The following C14orf93 variants were observed in gnomAD, a reference collection of about 807,000 sequenced individuals.
The protein encoded by C14orf93 is uncharacterized protein C14orf93.
In C14orf93, 23 loss-of-function variants were observed where a neutral mutation model predicts 44.0. The observed-to-expected ratio is 0.52, with a 90% CI of 0.38 to 0.74. The LOEUF (loss-of-function observed/expected upper bound fraction) is 0.74, where lower values mean the gene tolerates loss of function less well. Ranked by LOEUF, C14orf93 falls within the 30% of genes least tolerant of loss-of-function variation. The pLI is 0.00. For missense variants in C14orf93, 579 were observed against 678.9 expected (o/e 0.85, Z 1.64); for synonymous variants, 253 against 265.7 (o/e 0.95, Z 0.46).
intron 1 of C14orf93, among the ~76,000 whole-genome samples, chr14:23,003,832 T>C (rs1230297976): frequency 3.5e-5 from 4 of 114,840 alleles, no homozygotes; most frequent in African/African-American, 9.8e-5. Flanking sequence ...GTGAGTGGGG[T>C]GAGATATTTT....
At chr14:22,992,590 T>C (rs755622323) in intron 3 of C14orf93, among the ~76,000 whole-genome samples, 42 of 151,778 alleles carry the variant, frequency 2.8e-4, no homozygotes, top group Non-Finnish European at 4.1e-4. Context: ...TATTTTTTAT[T>C]TTTTTGAGAT....
At chr14:23,007,400 G>A (rs1466611311) in intron 1 of C14orf93, among the ~76,000 whole-genome samples, 1 of 152,210 alleles carries the variant, frequency 6.6e-6, no homozygotes, top group Non-Finnish European at 1.5e-5. Flanking sequence ...ACAAACCTGT[G>A]TGTACACGAT....
intron 1 of C14orf93, chr14:23,006,222 A>C (rs903729742): frequency 6.6e-6 from 1 of 152,188 alleles, no homozygotes; most frequent in Non-Finnish European, 1.5e-5. Context: ...TCAAGGTGCA[A>C]AATGGCTCAC....
In C14orf93 at chr14:22,999,471, G is replaced by A. The variant is rs143178296; in HGVS notation, c.-379-69C>T. ...CCTCCTCCTCCTCACCATCTTTACT[G>A]TAATAATGGTACTGCATTTCATTGC... is the stretch of plus-strand genomic sequence containing the variant. On this transcript the variant is annotated intron_variant, in intron 1 of 6. Coordinates refer to ENST00000299088, the MANE Select transcript of C14orf93 (RefSeq NM_021944.4). 242 of 163,788 alleles carry A rather than the reference G, an allele frequency of 1.5e-3. 2 individuals are homozygous for A. Among genetic ancestry groups the A allele is most frequent in the African/African-American group, 5.4e-3 (226 of 41,742 alleles). 10.1% of individuals were successfully genotyped at this position (163,788 alleles called of 1,614,324 possible). A position where few individuals can be genotyped will look rare whatever the true frequency, so the allele number is the denominator to read the frequency against.
At chr14:23,008,595 G>A (rs549606910) in intron 1 of C14orf93, among the ~76,000 whole-genome samples, 6 of 151,860 alleles carry the variant, frequency 4.0e-5, no homozygotes, top group African/African-American at 1.4e-4. Flanking sequence ...TACCTCCTAT[G>A]CTTTCACTCC....
rs116077191 is a variant in C14orf93, at chr14:22,995,066, C to G, written c.918+882G>C. On this transcript the variant is annotated intron_variant, in intron 3 of 6. Transcript: ENST00000299088. ...TGGTCAGCTGCCAGGATGGGGACTC[C>G]CAGCTCAGCAGGATGTTCTTTGGGC... 9.7e-3 allele frequency among the ~76,000 whole-genome samples: 1,483 copies of G among 152,312 alleles called. 26 individuals carry two copies. The highest frequency in any genetic ancestry group is 0.034 in the African/African-American group (1,400 of 41,564).
chr14:22,997,628 A>G (rs2046066163), intron 2 of C14orf93, among the ~76,000 whole-genome samples: 1 of 152,148 alleles, frequency 6.6e-6, no homozygotes, highest in Non-Finnish European at 1.5e-5. Flanking sequence ...ATGGCCCTTA[A>G]GCAGTAAAGA....
At chr14:23,002,192 T>C (rs2046344603) in intron 1 of C14orf93, among the ~76,000 whole-genome samples, 2 of 150,742 alleles carry the variant, frequency 1.3e-5, no homozygotes, top group African/African-American at 4.9e-5. Context: ...AGCTCACACC[T>C]GTAATCCCAA....
intron 1 of C14orf93, chr14:22,999,911 G>C (rs911512767): frequency 6.6e-6 from 1 of 152,226 alleles, no homozygotes; most frequent in African/African-American, 2.4e-5. Flanking sequence ...AATTGAGCTG[G>C]GGTAACCCAG....
rs201600502 is a variant in C14orf93, at chr14:22,996,117, C to A, written c.749G>T (p.Arg250Leu). The A allele has an allele frequency of 1.9e-6, 3 of 1,613,818 alleles. No individual in the cohort carries two copies. Among genetic ancestry groups the A allele is most frequent in the Middle Eastern group, 1.6e-4 (1 of 6,062 alleles). ...PENGTKLPPP[R>L]PEDMLNAAAA... is the part of the protein sequence containing the mutation. ...AGCGGCATTGAGCATGTCCTCAGGGCGGGGTGGTGGCAGCTTGGTTCCATT... is the reference window on the plus strand; with the variant it reads ...AGCGGCATTGAGCATGTCCTCAGGGAGGGGTGGTGGCAGCTTGGTTCCATT... The change falls in exon 3 of 7, where the codon CGC (arginine) becomes CTC (leucine). Residue 250 changes from arginine to leucine, a missense_variant. Physicochemically the swap from Arg to Leu is moderately radical, Grantham distance 102. Transcript: ENST00000299088. The surrounding 1 kb of genome is among the most constrained non-coding windows in gnomAD (Gnocchi z 4.1).
intron 1 of C14orf93, chr14:23,000,090 T>C (rs949122142): frequency 6.6e-6 from 1 of 152,198 alleles, no homozygotes; most frequent in African/African-American, 2.4e-5. Flanking sequence ...TCAACAGGAA[T>C]GTTTGAACAG....
At chr14:23,008,517 AT>A (rs900427156) in intron 1 of C14orf93, among the ~76,000 whole-genome samples, 115 of 147,616 alleles carry the variant, frequency 7.8e-4, no homozygotes, top group East Asian at 9.8e-4. Context: ...TCTACAGTAG[AT>A]TTTTTTTTTT....
Position 22,987,766 on chromosome 14 carries a change from C to T in C14orf93, c.1198-132G>A, listed in dbSNP as rs2045317144. The T allele has an allele frequency of 8.3e-7, 1 of 1,210,130 alleles. No homozygotes were observed. The highest frequency in any genetic ancestry group is 1.5e-5 in the African/African-American group (1 of 65,824). The allele number at this position is 1,210,130 out of a possible 1,614,324, so 75.0% of individuals were successfully genotyped here. A position where few individuals can be genotyped will look rare whatever the true frequency, so the allele number is the denominator to read the frequency against. ...ACCCAGTCCCCAAGTCAGATCTTAG[C>T]ATTGGCTCACTGTTCTTCTCTATCT... On this transcript the variant is annotated intron_variant, in intron 6 of 6. Coordinates refer to ENST00000299088, the MANE Select transcript of C14orf93 (RefSeq NM_021944.4). The surrounding 1 kb of genome is among the most constrained non-coding windows in gnomAD (Gnocchi z 5.6).
rs528342499 is a variant in C14orf93 at position 22,988,918 on chromosome 14, T to G, written c.1084+824A>C. On this transcript the variant is annotated intron_variant, in intron 5 of 6. Transcript: ENST00000299088. ...GCCTGGGCAACATAGTGAGACTCAG[T>G]CTCTATTTAAAAAAAAATTTAAAAA... is the stretch of plus-strand genomic sequence containing the variant. Among the ~76,000 whole-genome samples, 310 of 152,102 alleles carry G rather than the reference T, an allele frequency of 2.0e-3. 2 individuals are homozygous for G. The highest frequency in any genetic ancestry group is 7.1e-3 in the African/African-American group (294 of 41,512).
chr14:23,000,310 A>T (rs1460392633), intron 1 of C14orf93, among the ~76,000 whole-genome samples: 1 of 152,116 alleles, frequency 6.6e-6, no homozygotes, highest in Admixed American at 6.6e-5. Context: ...ATAATACTTG[A>T]TGATAGAAAA....
chr14:22,997,727 A>G (rs2046073499), intron 2 of C14orf93, among the ~76,000 whole-genome samples: 1 of 150,910 alleles, frequency 6.6e-6, no homozygotes, highest in Non-Finnish European at 1.5e-5. Context: ...CTTTCTCCCT[A>G]TATGTTATTC....
At position 22,987,297 on chromosome 14, in the gene C14orf93, G is replaced by A; in HGVS notation, c.1535C>T (p.Ser512Phe). 6.2e-7 allele frequency: 1 copy of A among 1,614,244 alleles called. No homozygotes were observed. Among genetic ancestry groups the A allele is most frequent in the East Asian group, 2.2e-5 (1 of 44,890 alleles). Residue 512 changes from serine to phenylalanine, a missense_variant, in exon 7 of 7, where the codon TCC becomes TTC. Coordinates refer to ENST00000299088, the MANE Select transcript of C14orf93 (RefSeq NM_021944.4). The surrounding 1 kb of genome is among the most constrained non-coding windows in gnomAD (Gnocchi z 5.6). ...TTTGTGGGGTTGGTCAAAAGATGGG[G>A]AGCCAGGTGCATTCTCATCCCCTCC... The part of the protein sequence containing the change: ...DEGGDENAPG[S>F]PSFDQPHKTC...
At chr14:22,997,960 A>G (rs1384218579) in intron 2 of C14orf93, 1 of 153,626 alleles carries the variant, frequency 6.5e-6, no homozygotes, top group African/African-American at 2.4e-5. Context: ...GTCTTCTATT[A>G]TCTTTATCTT....
intron 3 of C14orf93, among the ~76,000 whole-genome samples, chr14:22,992,730 A>T (rs2045730516): frequency 6.6e-6 from 1 of 151,608 alleles, no homozygotes; most frequent in African/African-American, 2.4e-5. Context: ...GATTACAGGA[A>T]TGCACCACCA....
Sources: allele counts gnomAD v4.1 joint callset (sites outside exome capture counted in the v4.1 genomes callset), GRCh38; gene constraint gnomAD v4.1.1; non-coding constraint Gnocchi (gnomAD v3.1); transcripts MANE v1.5; gene names NCBI Gene and HGNC (gene_info 2026-07-23, HGNC 2026-07-21).